EYA1: variants seen among roughly 807,000 people sequenced by gnomAD.
The protein encoded by EYA1 is protein phosphatase EYA1.
EYA1 carries 16 observed loss-of-function variants against 82.0 expected under a neutral mutation model. The ratio of observed to expected loss-of-function variants is 0.20; its 90% confidence interval spans 0.13 to 0.30. The LOEUF is 0.30. Among genes scored for constraint, EYA1 ranks in the 10% least tolerant of loss-of-function variants. The probability of loss-of-function intolerance (pLI) is 1.00; values close to 1 mark genes in which losing one functional copy is unlikely to be tolerated. For missense variants in EYA1, 633 were observed against 730.7 expected (o/e 0.87, Z 1.54); for synonymous variants, 261 against 264.4 (o/e 0.99, Z 0.12).
chr8:71,403,997 A>C (rs1176816053), intron 2 of EYA1: 1 of 152,248 alleles, frequency 6.6e-6, no homozygotes, highest in Non-Finnish European at 1.5e-5. Context: ...AAGGACATTT[A>C]AAAAATAATT....
At chr8:71,418,803 G>A (rs970021763) in intron 2 of EYA1, among the ~76,000 whole-genome samples, 13 of 152,122 alleles carry the variant, frequency 8.5e-5, no homozygotes, top group Non-Finnish European at 1.5e-4. Flanking sequence ...GAGGGATGAA[G>A]GGCAACAATG....
In EYA1 at chr8:71,244,487, C is replaced by A. The variant is rs1812839123; in HGVS notation, c.1140+116G>T. ...GCAAAACACATTGCCATATTACCAA[C>A]AAACCTCTGTCTCACTATTCCAATT... is the stretch of plus-strand genomic sequence containing the variant. On this transcript the variant is annotated intron_variant, in intron 12 of 17. Transcript: ENST00000340726. 6.1e-6 allele frequency: 4 copies of A among 655,468 alleles called. No homozygotes were observed. The Admixed American group carries it at 9.4e-5, about 15-fold the overall frequency. The allele number at this position is 655,468 out of a possible 1,614,324, so 40.6% of individuals were successfully genotyped here. A position where few individuals can be genotyped will look rare whatever the true frequency, so the allele number is the denominator to read the frequency against.
chr8:71,547,179 A>G (rs1361234093), intron 1 of EYA1, among the ~76,000 whole-genome samples: 1 of 152,206 alleles, frequency 6.6e-6, no homozygotes, highest in Admixed American at 6.5e-5. Flanking sequence ...CTTTTGGCCA[A>G]AGGAAAGGCC....
Position 71,452,178 on chromosome 8 carries a change from C to T in EYA1, c.33+83566G>A, listed in dbSNP as rs555006747. Among the ~76,000 whole-genome samples the T allele has an allele frequency of 3.3e-5, 5 of 152,336 alleles. No individual in the cohort carries two copies. In the South Asian group the frequency reaches 1.0e-3, roughly 32 times the overall value. On this transcript the variant is annotated intron_variant, in intron 2 of 18. Transcript: ENST00000643681. ...CACAGAGCCTCACTCATTGCTAGCA[C>T]AGCAGTCTGAGATCCAACTGCAAGG...
In EYA1 at chr8:71,370,627, CTTAG is replaced by C. The variant is rs746008574; in HGVS notation, c.34-14120_34-14117del. ...AACAGCAACACATTTTAATTAATTA[CTTAG>C]TTAATTTAGAGGCAGGGTCTCACTC... On this transcript the variant is annotated intron_variant, in intron 2 of 18. Transcript: ENST00000643681. 6.6e-5 allele frequency among the ~76,000 whole-genome samples: 10 copies of C among 151,656 alleles called. No homozygotes were observed. The South Asian group carries it at 1.5e-3, about 22-fold the overall frequency.
chr8:71,535,359 T>C (rs190191295), intron 2 of EYA1, among the ~76,000 whole-genome samples: 1 of 152,348 alleles, frequency 6.6e-6, no homozygotes, highest in East Asian at 1.9e-4. Flanking sequence ...CACAGGTATA[T>C]TCATAAAACA....
intron 6 of EYA1, among the ~76,000 whole-genome samples, chr8:71,320,602 A>G (rs1036199058): frequency 3.9e-5 from 6 of 152,158 alleles, no homozygotes; most frequent in African/African-American, 1.4e-4. Context: ...AAAAATACCT[A>G]TCTAGAAAAC....
At chr8:71,369,688 G>A (rs893003286) in intron 2 of EYA1, among the ~76,000 whole-genome samples, 2 of 152,202 alleles carry the variant, frequency 1.3e-5, no homozygotes, top group Non-Finnish European at 2.9e-5. Flanking sequence ...GCACATAGGA[G>A]GTGCTTGGTG....
intron 2 of EYA1, among the ~76,000 whole-genome samples, chr8:71,407,446 A>T (rs901925021): frequency 1.3e-5 from 2 of 150,216 alleles, no homozygotes. Flanking sequence ...AGGACATTCA[A>T]ACCAAAGGCA....
rs1348582934 is a variant in EYA1, at chr8:71,490,189, GT to G, written c.33+45554del. On this transcript the variant is annotated intron_variant, in intron 2 of 18. Transcript: ENST00000643681. ...CAACATCTTGCAGTTTACACAGCTGGTTCTCTATTATAAAAGTTGTGGGTGA... is the reference window on the plus strand; with the variant it reads ...CAACATCTTGCAGTTTACACAGCTGGTCTCTATTATAAAAGTTGTGGGTGA... Among the ~76,000 whole-genome samples the G allele has an allele frequency of 9.2e-5, 14 of 152,314 alleles. No individual in the cohort carries two copies. In the East Asian group the frequency reaches 2.7e-3, roughly 29 times the overall value.
At chr8:71,421,083 A>T (rs1374452066) in intron 2 of EYA1, among the ~76,000 whole-genome samples, 1 of 152,198 alleles carries the variant, frequency 6.6e-6, no homozygotes, top group Non-Finnish European at 1.5e-5. Context: ...GACAAATACT[A>T]CAATCCTCTG....
intron 2 of EYA1, among the ~76,000 whole-genome samples, chr8:71,413,382 A>T (rs1648613712): frequency 6.6e-6 from 1 of 152,150 alleles, no homozygotes; most frequent in Non-Finnish European, 1.5e-5. Context: ...TCAGTATATT[A>T]TCCTAGTTCT....
At chr8:71,535,081 T>TA (rs1814610828) in intron 2 of EYA1, among the ~76,000 whole-genome samples, 2 of 152,124 alleles carry the variant, frequency 1.3e-5, no homozygotes, top group South Asian at 4.2e-4. Context: ...TGCTTTTTTT[T>TA]AAATTAAAAT....
At chr8:71,515,660 T>C (rs544941174) in intron 2 of EYA1, among the ~76,000 whole-genome samples, 18 of 152,132 alleles carry the variant, frequency 1.2e-4, no homozygotes, top group Non-Finnish European at 2.1e-4. Context: ...TTTGCATTCC[T>C]CTTACTTTGA....
intron 17 of EYA1, among the ~76,000 whole-genome samples, chr8:71,204,563 CA>C (rs1807491918): frequency 6.6e-6 from 1 of 152,118 alleles, no homozygotes; most frequent in South Asian, 2.1e-4. Flanking sequence ...ATAGCACATC[CA>C]CATGATGGAA....
intron 2 of EYA1, among the ~76,000 whole-genome samples, chr8:71,389,539 T>C (rs1829153260): frequency 6.6e-6 from 1 of 152,176 alleles, no homozygotes; most frequent in Non-Finnish European, 1.5e-5. Flanking sequence ...ACATCAGCTT[T>C]TGTCAAAAAG....
chr8:71,272,032 A>T, intron 9 of EYA1, 135 bp from the exon 10 acceptor site: 1 of 913,300 alleles, frequency 1.1e-6, no homozygotes, highest in Non-Finnish European at 1.8e-6. Flanking sequence ...ATCGTCTTTT[A>T]CTTGCGCTGG....
chr8:71,250,225 C>G (rs971772090), intron 11 of EYA1, among the ~76,000 whole-genome samples: 1 of 152,120 alleles, frequency 6.6e-6, no homozygotes, highest in African/African-American at 2.4e-5. Context: ...TCAAGATGGC[C>G]TGTTTCTGAT....
chr8:71,311,381 C>T (rs190811699), intron 7 of EYA1, among the ~76,000 whole-genome samples: 1 of 152,350 alleles, frequency 6.6e-6, no homozygotes, highest in East Asian at 1.9e-4. Flanking sequence ...TGCACACACG[C>T]ACAAACTCAC....
Sources: gnomAD v4.1 joint callset for allele counts (sites outside exome capture counted in the v4.1 genomes callset) on GRCh38, gnomAD v4.1.1 for gene constraint, MANE v1.5 for transcripts, NCBI Gene and HGNC (gene_info 2026-07-23, HGNC 2026-07-21) for gene names.